EXOC6B: variants seen among roughly 807,000 people sequenced by gnomAD.
EXOC6B encodes the protein exocyst complex component 6B.
In EXOC6B, 54 loss-of-function variants were observed where a neutral mutation model predicts 113.5. The ratio of observed to expected loss-of-function variants is 0.48; its 90% CI spans 0.38 to 0.60. The LOEUF is 0.60. Ranked by LOEUF, EXOC6B falls within the 20% of genes least tolerant of loss-of-function variation. The pLI, the probability that EXOC6B is intolerant of heterozygous loss-of-function variation, is 0.00. For synonymous variants in EXOC6B, 357 were observed against 339.0 expected (o/e 1.05, Z -0.58); for missense variants, 797 against 977.5 (o/e 0.82, Z 2.46).
intron 20 of EXOC6B, among the ~76,000 whole-genome samples, chr2:72,310,472 T>C (rs1199290837): frequency 6.6e-6 from 1 of 152,206 alleles, no homozygotes; most frequent in Admixed American, 6.5e-5. Context: ...CTTGCCTTTA[T>C]TTAAATTGGG....
At chr2:72,279,805 TG>T (rs1685021575) in intron 20 of EXOC6B, among the ~76,000 whole-genome samples, 2 of 152,002 alleles carry the variant, frequency 1.3e-5, no homozygotes, top group African/African-American at 4.8e-5. Context: ...TTTTTGTTGT[TG>T]TTGTTTTTGT....
intron 16 of EXOC6B, among the ~76,000 whole-genome samples, chr2:72,483,682 G>C: frequency 6.6e-6 from 1 of 152,104 alleles, no homozygotes; most frequent in Non-Finnish European, 1.5e-5. Context: ...CTGTTAACGA[G>C]GACTAAGTGA....
chr2:72,182,277 G>A (rs1414252226), intron 21 of EXOC6B, among the ~76,000 whole-genome samples: 1 of 152,154 alleles, frequency 6.6e-6, no homozygotes, highest in Non-Finnish European at 1.5e-5. Flanking sequence ...GAGTGGATAA[G>A]CCAGTATTTC....
chr2:72,325,958 G>A (rs750294026), intron 20 of EXOC6B, among the ~76,000 whole-genome samples: 4 of 151,936 alleles, frequency 2.6e-5, no homozygotes, highest in Admixed American at 1.3e-4. Flanking sequence ...TATAGCTAAG[G>A]GTGCTTCTTT....
At chr2:72,263,365 G>A (rs1236244719) in intron 20 of EXOC6B, 1 of 152,264 alleles carries the variant, frequency 6.6e-6, no homozygotes, top group Non-Finnish European at 1.5e-5. Context: ...TTGTTTGAGA[G>A]TGGGGCACTG....
chr2:72,608,134 T>C (rs1301920166), intron 6 of EXOC6B, among the ~76,000 whole-genome samples: 1 of 152,098 alleles, frequency 6.6e-6, no homozygotes, highest in Non-Finnish European at 1.5e-5. Context: ...TTCTAACAAT[T>C]CCTTCCCTGA....
intron 18 of EXOC6B, chr2:72,461,706 G>C (rs530467739): frequency 1.3e-5 from 2 of 151,822 alleles, no homozygotes; most frequent in Non-Finnish European, 2.9e-5. Context: ...ATTCTAAAAG[G>C]GGAATTACAT....
chr2:72,249,136 T>C (rs776696138), intron 20 of EXOC6B, among the ~76,000 whole-genome samples: 6 of 152,162 alleles, frequency 3.9e-5, no homozygotes, highest in Non-Finnish European at 4.4e-5. Context: ...CATGGTGTAA[T>C]ATGCCTGCAG....
chr2:72,497,231 C>G (rs1700083897), intron 13 of EXOC6B, among the ~76,000 whole-genome samples: 3 of 151,964 alleles, frequency 2.0e-5, no homozygotes, highest in African/African-American at 7.2e-5. Flanking sequence ...ACCTTGGCTC[C>G]CAAAGTGCTG....
At chr2:72,520,649 G>A (rs1701435855) in intron 8 of EXOC6B, among the ~76,000 whole-genome samples, 1 of 152,186 alleles carries the variant, frequency 6.6e-6, no homozygotes, top group Non-Finnish European at 1.5e-5. Context: ...CATTATGGAA[G>A]TGGCAACTCA....
intron 18 of EXOC6B, among the ~76,000 whole-genome samples, chr2:72,421,370 G>GAGTATGTT (rs1694857301): frequency 6.6e-6 from 1 of 152,164 alleles, no homozygotes; most frequent in African/African-American, 2.4e-5. Flanking sequence ...TAGGTGAGAA[G>GAGTATGTT]AGTATGTTCT....
chr2:72,318,479 C>T (rs115408606), intron 20 of EXOC6B, among the ~76,000 whole-genome samples: 2,306 of 151,984 alleles, frequency 0.015, 21 homozygotes, highest in Non-Finnish European at 0.023. Context: ...CTGCAATCTC[C>T]GCCTCCTGGG....
intron 6 of EXOC6B, among the ~76,000 whole-genome samples, chr2:72,578,399 T>C (rs936760971): frequency 1.3e-5 from 2 of 152,148 alleles, no homozygotes; most frequent in Non-Finnish European, 2.9e-5. Flanking sequence ...AATCTTCCAA[T>C]TGGATGAGGC....
At chr2:72,527,783 A>G (rs1350625357) in intron 8 of EXOC6B, among the ~76,000 whole-genome samples, 1 of 151,942 alleles carries the variant, frequency 6.6e-6, no homozygotes, top group Non-Finnish European at 1.5e-5. Context: ...AAGGATGTTG[A>G]GTATCTTCTC....
chr2:72,699,901 C>T (rs1281421405), intron 6 of EXOC6B, among the ~76,000 whole-genome samples: 1 of 152,070 alleles, frequency 6.6e-6, no homozygotes, highest in African/African-American at 2.4e-5. Context: ...ACAGTCATCC[C>T]TCAGTATCCA....
chr2:72,412,287 T>G (rs938070079), intron 18 of EXOC6B, among the ~76,000 whole-genome samples: 1 of 152,196 alleles, frequency 6.6e-6, no homozygotes, highest in Non-Finnish European at 1.5e-5. Flanking sequence ...TTAGGTTTAA[T>G]TCATAAATCT....
intron 20 of EXOC6B, among the ~76,000 whole-genome samples, chr2:72,192,654 G>C (rs1285015171): frequency 6.6e-6 from 1 of 152,138 alleles, no homozygotes; most frequent in Non-Finnish European, 1.5e-5. Flanking sequence ...AGCTAAGGTA[G>C]GCATGCAGAC....
chr2:72,775,660 C>T (rs546758489), intron 1 of EXOC6B, among the ~76,000 whole-genome samples: 1 of 152,158 alleles, frequency 6.6e-6, no homozygotes, highest in Admixed American at 6.5e-5. Context: ...AAAAAAAATA[C>T]CAAAAGGTTG....
intron 18 of EXOC6B, among the ~76,000 whole-genome samples, chr2:72,415,860 G>A (rs1427335285): frequency 6.6e-6 from 1 of 152,094 alleles, no homozygotes; most frequent in Non-Finnish European, 1.5e-5. Flanking sequence ...CAGAGAAAAC[G>A]TGATTTCTAA....
Sources: gnomAD v4.1 joint callset for allele counts (sites outside exome capture counted in the v4.1 genomes callset) on GRCh38, gnomAD v4.1.1 for gene constraint, MANE v1.5 for transcripts, NCBI Gene and HGNC (gene_info 2026-07-23, HGNC 2026-07-21) for gene names.